METTL25: variants seen among roughly 807,000 people sequenced by gnomAD.
METTL25 encodes the protein methyltransferase like 25.
METTL25 carries 64 observed loss-of-function variants against 71.6 expected under a neutral mutation model. The ratio of observed to expected loss-of-function variants is 0.89; its 90% CI spans 0.73 to 1.10. The LOEUF is 1.10. Among genes scored for constraint, METTL25 ranks in the 50% least tolerant of loss-of-function variants. The pLI is 0.00. For missense variants in METTL25, 807 were observed against 707.0 expected, an observed-to-expected ratio of 1.14 and a Z score of -1.60; for synonymous variants, 287 against 250.3, an observed-to-expected ratio of 1.15 and a Z score of -1.38.
chr12:82,425,303 A>G (rs1050656210), intron 5 of METTL25, among the ~76,000 whole-genome samples: 1 of 152,096 alleles, frequency 6.6e-6, no homozygotes, highest in Non-Finnish European at 1.5e-5. Flanking sequence ...ACCACTTTAT[A>G]CATGTGTTTA....
intron 8 of METTL25, among the ~76,000 whole-genome samples, chr12:82,454,945 C>T (rs1197042841): frequency 1.3e-5 from 2 of 151,786 alleles, no homozygotes; most frequent in African/African-American, 4.8e-5. Context: ...AAATTTAATC[C>T]TCATAGTGAC....
intron 2 of METTL25, among the ~76,000 whole-genome samples, chr12:82,389,603 C>A (rs1164731007): frequency 6.6e-6 from 1 of 151,872 alleles, no homozygotes; most frequent in Non-Finnish European, 1.5e-5. Context: ...TTAATTGTTA[C>A]GGAATAGTTT....
At chr12:82,390,765 AT>A (rs1306299147) in intron 3 of METTL25, among the ~76,000 whole-genome samples, 2 of 152,024 alleles carry the variant, frequency 1.3e-5, no homozygotes, top group African/African-American at 4.8e-5. Context: ...TTTTCTCCAG[AT>A]TCTCATACCT....
rs1893059098 is a variant in METTL25, at chr12:82,479,200, A to G, written c.*176A>G. Reference sequence around the variant, plus strand: ...TAATCCATTTTTCCATTGTCAAAGCATACATTAATAAAAGAAGAACCTGTC... The same window carrying G: ...TAATCCATTTTTCCATTGTCAAAGCGTACATTAATAAAAGAAGAACCTGTC... On this transcript the variant is annotated 3_prime_UTR_variant, in exon 12 of 12. Coordinates refer to ENST00000248306, the MANE Select transcript of METTL25 (RefSeq NM_032230.3). The G allele has an allele frequency of 2.0e-6, 1 of 506,476 alleles. No homozygotes were observed. 31.4% of individuals were successfully genotyped at this position (506,476 alleles called of 1,614,324 possible).
chr12:82,383,931 T>C (rs893064141), intron 1 of METTL25, among the ~76,000 whole-genome samples: 5 of 152,162 alleles, frequency 3.3e-5, no homozygotes, highest in African/African-American at 9.7e-5. Context: ...CCTGCCTCTT[T>C]CCTTCCCTTC....
At chr12:82,429,697 T>C (rs1019598906) in intron 5 of METTL25, among the ~76,000 whole-genome samples, 3 of 151,704 alleles carry the variant, frequency 2.0e-5, no homozygotes, top group African/African-American at 7.3e-5. Context: ...TTCAGCATTT[T>C]TTCATACACC....
At chr12:82,392,441 T>A (rs571332631) in intron 3 of METTL25, among the ~76,000 whole-genome samples, 97 of 152,196 alleles carry the variant, frequency 6.4e-4, no homozygotes, top group Non-Finnish European at 1.1e-3. Flanking sequence ...GAACTCATCA[T>A]TTTTTATGGC....
In METTL25 at chr12:82,479,100, T is replaced by A; in HGVS notation, c.*76T>A. 8.4e-7 allele frequency: 1 copy of A among 1,191,598 alleles called. No individual in the cohort carries two copies. The highest frequency in any genetic ancestry group is 1.2e-6 in the Non-Finnish European group (1 of 818,574). 73.8% of individuals were successfully genotyped at this position (1,191,598 alleles called of 1,614,324 possible). On this transcript the variant is annotated 3_prime_UTR_variant, in exon 12 of 12. Coordinates refer to ENST00000248306, the MANE Select transcript of METTL25 (RefSeq NM_032230.3). ...GAGATTGCTTTTCTAAACATATATG[T>A]CCTGTTATACAAAAATTTTTAAATG...
intron 8 of METTL25, 36 bp from the exon 9 acceptor site, chr12:82,456,691 G>A: frequency 3.1e-6 from 4 of 1,298,114 alleles, no homozygotes; most frequent in South Asian, 2.7e-5. Context: ...AATTTACATT[G>A]GAAAAACTAA....
Position 82,398,973 on chromosome 12 carries a change from G to T in METTL25, c.710G>T (p.Gly237Val). Residue 237 changes from glycine to valine, a missense_variant, in exon 4 of 12, where the codon GGA becomes GTA. Coordinates refer to ENST00000248306, the MANE Select transcript of METTL25 (RefSeq NM_032230.3). ...CHAQSRLDVN[G>V]LALKMAKERK... ...GCTCAGTCAAGATTAGATGTCAATG[G>T]ACTAGCATTAAAAATGGCAAAAGAA... The T allele has an allele frequency of 6.2e-7, 1 of 1,608,198 alleles. No individual in the cohort carries two copies. The highest frequency in any genetic ancestry group is 1.3e-5 in the African/African-American group (1 of 74,578).
intron 5 of METTL25, among the ~76,000 whole-genome samples, chr12:82,406,415 T>C (rs1047797045): frequency 5.9e-5 from 9 of 152,276 alleles, no homozygotes; most frequent in African/African-American, 1.9e-4. Flanking sequence ...TTATATGTTT[T>C]AGGCAAACAA....
chr12:82,435,471 A>C (rs1038329656), intron 7 of METTL25, among the ~76,000 whole-genome samples: 1 of 151,494 alleles, frequency 6.6e-6, no homozygotes, highest in African/African-American at 2.4e-5. Context: ...TTTTTAATAT[A>C]TACACTGTGC....
chr12:82,471,513 A>G (rs529124832), intron 9 of METTL25, among the ~76,000 whole-genome samples: 1 of 152,252 alleles, frequency 6.6e-6, no homozygotes, highest in African/African-American at 2.4e-5. Context: ...ATTCTGTGAA[A>G]CAGAATATAT....
At chr12:82,418,608 T>C (rs115816130) in intron 5 of METTL25, among the ~76,000 whole-genome samples, 68 of 152,252 alleles carry the variant, frequency 4.5e-4, no homozygotes, top group African/African-American at 1.6e-3. Context: ...TATAATACCA[T>C]AAACCTTGAA....
intron 4 of METTL25, 96 bp from the exon 5 acceptor site, chr12:82,402,887 G>C (rs905440107): frequency 1.1e-6 from 1 of 882,136 alleles, no homozygotes; most frequent in Non-Finnish European, 1.7e-6. Context: ...TGCAGCCTGG[G>C]CAACATTGCA....
At chr12:82,476,540 G>A (rs983262245) in intron 9 of METTL25, 104 bp from the exon 10 acceptor site, 4 of 749,650 alleles carry the variant, frequency 5.3e-6, no homozygotes, top group Admixed American at 2.4e-5. Context: ...GACACCTAAG[G>A]TTGTATTAAA....
chr12:82,414,273 A>C (rs1887786673), intron 5 of METTL25, among the ~76,000 whole-genome samples: 2 of 152,160 alleles, frequency 1.3e-5, no homozygotes. Flanking sequence ...ATGAATACAG[A>C]GATTTCTAGA....
chr12:82,443,432 C>G (rs1346021452), intron 8 of METTL25, among the ~76,000 whole-genome samples: 2 of 143,124 alleles, frequency 1.4e-5, no homozygotes, highest in East Asian at 4.1e-4. Context: ...GCCTACACAG[C>G]CTATCTGAAA....
chr12:82,399,805 G>A lies in METTL25; in HGVS notation c.1131+411G>A, dbSNP rs549616860. Among the ~76,000 whole-genome samples, 7 of 152,160 alleles carry A rather than the reference G, an allele frequency of 4.6e-5. No individual in the cohort carries two copies. In the South Asian group the frequency reaches 1.5e-3, roughly 32 times the overall value. On this transcript the variant is annotated intron_variant, in intron 4 of 11. Coordinates refer to ENST00000248306, the MANE Select transcript of METTL25 (RefSeq NM_032230.3). The stretch of plus-strand genomic sequence containing the variant: ...CCTTGAGCAAGAGTAGCTTCTAAGT[G>A]TTCTTCAAAGCTTGAACTTTTTCTA...
Sources: allele counts gnomAD v4.1 joint callset (sites outside exome capture counted in the v4.1 genomes callset), GRCh38; gene constraint gnomAD v4.1.1; transcripts MANE v1.5; gene names NCBI Gene and HGNC (gene_info 2026-07-23, HGNC 2026-07-21).